The following APBA2 variants were observed in gnomAD, a reference collection of about 807,000 sequenced individuals.
APBA2 encodes amyloid-beta A4 precursor protein-binding family A member 2.
A neutral mutation model predicts 75.0 loss-of-function variants in APBA2; 30 were observed. That is an observed-to-expected ratio of 0.40 (90% CI 0.30 to 0.54). The LOEUF (loss-of-function observed/expected upper bound fraction) is 0.54, where lower values mean the gene tolerates loss of function less well. Among genes scored for constraint, APBA2 ranks in the 20% least tolerant of loss-of-function variants. The probability of loss-of-function intolerance (pLI) is 0.49; values close to 1 mark genes in which losing one functional copy is unlikely to be tolerated. For synonymous variants in APBA2, 444 were observed against 409.6 expected, an observed-to-expected ratio of 1.08 and a Z score of -1.01; for missense variants, 801 against 1,016.1, an observed-to-expected ratio of 0.79 and a Z score of 2.88.
intron 2 of APBA2, among the ~76,000 whole-genome samples, chr15:28,958,680 G>A (rs886596788): frequency 6.6e-6 from 1 of 152,146 alleles, no homozygotes; most frequent in Non-Finnish European, 1.5e-5. Context: ...ATCTCTGCCT[G>A]GCTTTAACAG....
intron 3 of APBA2, among the ~76,000 whole-genome samples, chr15:29,032,977 A>G (rs2040559271): frequency 6.6e-6 from 1 of 152,200 alleles, no homozygotes; most frequent in Non-Finnish European, 1.5e-5. Flanking sequence ...CTGTGGCGAG[A>G]TGGCTCTGTG....
intron 1 of APBA2, among the ~76,000 whole-genome samples, chr15:28,896,055 G>T (rs2032463933): frequency 6.6e-6 from 1 of 152,122 alleles, no homozygotes; most frequent in Admixed American, 6.5e-5. Context: ...TGAGGCTGCA[G>T]TGAGCTGTGA....
At chr15:28,886,997 G>A (rs1436306103) in intron 1 of APBA2, among the ~76,000 whole-genome samples, 1 of 152,234 alleles carries the variant, frequency 6.6e-6, no homozygotes, top group Non-Finnish European at 1.5e-5. Flanking sequence ...CCGGGCAGCG[G>A]GCCTCGGTGT....
At chr15:29,106,117 C>T (rs2044389222) in intron 11 of APBA2, among the ~76,000 whole-genome samples, 1 of 152,204 alleles carries the variant, frequency 6.6e-6, no homozygotes. Context: ...TTGCTGAAGA[C>T]ATTCCAGGCA....
chr15:28,935,669 C>G (rs1477177058), intron 2 of APBA2, among the ~76,000 whole-genome samples: 1 of 152,214 alleles, frequency 6.6e-6, no homozygotes, highest in African/African-American at 2.4e-5. Context: ...CTCAGCCTCT[C>G]TCCAGACACT....
intron 2 of APBA2, among the ~76,000 whole-genome samples, chr15:28,955,943 A>G (rs1044285026): frequency 3.8e-4 from 58 of 152,136 alleles, no homozygotes; most frequent in Non-Finnish European, 5.3e-4. Flanking sequence ...CTCAGCAACC[A>G]TGGAGGAGCT....
At chr15:29,040,184 C>T (rs2040963260) in intron 3 of APBA2, among the ~76,000 whole-genome samples, 1 of 152,198 alleles carries the variant, frequency 6.6e-6, no homozygotes, top group African/African-American at 2.4e-5. Flanking sequence ...AAATCCAACT[C>T]TCTGGTTGGA....
chr15:28,992,534 CA>C, intron 2 of APBA2, among the ~76,000 whole-genome samples: 1 of 152,312 alleles, frequency 6.6e-6, no homozygotes, highest in East Asian at 1.9e-4. Flanking sequence ...CCGACAGCCT[CA>C]GCAAAATATT....
At chr15:28,996,456 T>C (rs1388996821) in intron 3 of APBA2, among the ~76,000 whole-genome samples, 1 of 152,160 alleles carries the variant, frequency 6.6e-6, no homozygotes, top group Non-Finnish European at 1.5e-5. Flanking sequence ...GCCCTTGCCC[T>C]GTAGGACTGG....
chr15:28,959,582 T>C (rs2152735304), intron 2 of APBA2, among the ~76,000 whole-genome samples: 1 of 152,214 alleles, frequency 6.6e-6, no homozygotes. Flanking sequence ...TAATCTCGAC[T>C]TCCAGTCGCC....
chr15:28,995,078 G>T (rs147980563), intron 2 of APBA2, among the ~76,000 whole-genome samples: 1 of 152,086 alleles, frequency 6.6e-6, no homozygotes, highest in Non-Finnish European at 1.5e-5. Context: ...CTTCCTGCCC[G>T]TAGCCTTCTA....
intron 1 of APBA2, among the ~76,000 whole-genome samples, chr15:28,909,378 C>T (rs1426772022): frequency 2.6e-5 from 4 of 152,220 alleles, no homozygotes; most frequent in African/African-American, 9.6e-5. Flanking sequence ...CTTTTTCCAA[C>T]TGGCTTCTTT....
chr15:29,063,710 A>AGATGAT (rs965414890), intron 4 of APBA2, among the ~76,000 whole-genome samples: 2 of 146,926 alleles, frequency 1.4e-5, no homozygotes, highest in Non-Finnish European at 3.0e-5. Context: ...GTGCTTGTGC[A>AGATGAT]GATGATGATG....
At chr15:28,962,141 T>A (rs987334682) in intron 2 of APBA2, among the ~76,000 whole-genome samples, 1 of 152,190 alleles carries the variant, frequency 6.6e-6, no homozygotes, top group African/African-American at 2.4e-5. Context: ...ACTGCAATCA[T>A]TATCCTCATT....
chr15:28,997,370 G>A (rs1244929253), intron 3 of APBA2, among the ~76,000 whole-genome samples: 2 of 152,204 alleles, frequency 1.3e-5, no homozygotes, highest in East Asian at 1.9e-4. Flanking sequence ...GTTTGTGAAT[G>A]TACTTTTGTG....
intron 2 of APBA2, among the ~76,000 whole-genome samples, chr15:28,930,251 C>T (rs567158468): frequency 6.6e-6 from 1 of 152,218 alleles, no homozygotes; most frequent in African/African-American, 2.4e-5. Flanking sequence ...TTGACTTCCC[C>T]TCAGAAGTCA....
intron 3 of APBA2, among the ~76,000 whole-genome samples, chr15:29,012,475 G>A (rs1293134755): frequency 6.6e-6 from 1 of 152,176 alleles, no homozygotes; most frequent in Non-Finnish European, 1.5e-5. Flanking sequence ...CACTGCTGAT[G>A]TTACCCTCAA....
chr15:29,114,654 G>A (rs2044953259), intron 14 of APBA2, among the ~76,000 whole-genome samples: 1 of 151,588 alleles, frequency 6.6e-6, no homozygotes, highest in East Asian at 2.0e-4. Context: ...TGTGTGGGAT[G>A]TGATGTATGA....
intron 8 of APBA2, among the ~76,000 whole-genome samples, chr15:29,096,765 A>G (rs1016980531): frequency 6.6e-6 from 1 of 152,238 alleles, no homozygotes; most frequent in African/African-American, 2.4e-5. Flanking sequence ...TAATTAAATC[A>G]TAGTTTTTGC....
Sources: gnomAD v4.1 joint callset for allele counts (sites outside exome capture counted in the v4.1 genomes callset) on GRCh38, gnomAD v4.1.1 for gene constraint, MANE v1.5 for transcripts, NCBI Gene and HGNC (gene_info 2026-07-23, HGNC 2026-07-21) for gene names.